The following LIMCH1 variants were observed in gnomAD, a reference collection of about 807,000 sequenced individuals.
LIMCH1 encodes LIM and calponin homology domains-containing protein 1.
LIMCH1 carries 113 observed loss-of-function variants against 176.5 expected under a neutral mutation model. The observed-to-expected ratio is 0.64, with a 90% confidence interval of 0.55 to 0.75. LIMCH1 has a LOEUF of 0.75. Among genes scored for constraint, LIMCH1 ranks in the 30% least tolerant of loss-of-function variants. LIMCH1 has a pLI of 0.00. For missense variants in LIMCH1, 1,674 were observed against 1,814.9 expected, an observed-to-expected ratio of 0.92 and a Z score of 1.41; for synonymous variants, 619 against 645.9, an observed-to-expected ratio of 0.96 and a Z score of 0.63.
chr4:41,506,807 C>G (rs2074230521), intron 2 of LIMCH1, among the ~76,000 whole-genome samples: 1 of 152,132 alleles, frequency 6.6e-6, no homozygotes, highest in African/African-American at 2.4e-5. Context: ...GTTTTTATCC[C>G]TCATAATGAC....
At chr4:41,532,458 A>T (rs1397133991) in intron 3 of LIMCH1, among the ~76,000 whole-genome samples, 1 of 152,234 alleles carries the variant, frequency 6.6e-6, no homozygotes, top group Non-Finnish European at 1.5e-5. Context: ...TTCGAGTAAC[A>T]TTCAAAAGTA....
chr4:41,393,270 G>A (rs764360158), intron 1 of LIMCH1, among the ~76,000 whole-genome samples: 3 of 152,092 alleles, frequency 2.0e-5, no homozygotes, highest in Non-Finnish European at 4.4e-5. Context: ...TACCTGCTTG[G>A]GAGGAAGTGG....
intron 31 of LIMCH1, among the ~76,000 whole-genome samples, chr4:41,696,931 A>C (rs1731134360): frequency 6.6e-6 from 1 of 152,174 alleles, no homozygotes; most frequent in Non-Finnish European, 1.5e-5. Flanking sequence ...GCACCACGTT[A>C]AGTGGGTCTG....
rs1554109824 is a variant in LIMCH1, at chr4:41,581,112, GTCTATCTATCTA to G, written c.-240-17785_-240-17774del. On this transcript the variant is annotated intron_variant, in intron 1 of 31. Coordinates refer to ENST00000503057, the MANE Select transcript of LIMCH1 (RefSeq NM_001330672.2). Reference sequence around the variant, plus strand: ...TGTCTGTCCATTCATCTGTCTGTCTGTCTATCTATCTATCTATCTATCTATCTATCTATCATC... The same window carrying G: ...TGTCTGTCCATTCATCTGTCTGTCTGTCTATCTATCTATCTATCTATCATC... 1.4e-4 allele frequency among the ~76,000 whole-genome samples: 18 copies of G among 132,986 alleles called. 1 individual carries two copies. Among genetic ancestry groups the G allele is most frequent in the Admixed American group, 5.7e-4 (8 of 14,030 alleles). 87.2% of individuals were successfully genotyped at this position (132,986 alleles called of 152,430 possible).
intron 1 of LIMCH1, among the ~76,000 whole-genome samples, chr4:41,542,242 C>T (rs767392811): frequency 6.6e-6 from 1 of 152,076 alleles, no homozygotes; most frequent in Non-Finnish European, 1.5e-5. Flanking sequence ...CCATTGAGAA[C>T]CAGCCTTAGG....
At chr4:41,364,454 A>G (rs2052660265) in intron 1 of LIMCH1, among the ~76,000 whole-genome samples, 1 of 152,118 alleles carries the variant, frequency 6.6e-6, no homozygotes, top group Non-Finnish European at 1.5e-5. Flanking sequence ...CCGGGTAGAA[A>G]ATATGATTCA....
intron 4 of LIMCH1, chr4:41,612,636 T>C (rs1001073035): frequency 1.4e-6 from 1 of 702,566 alleles, no homozygotes; most frequent in Non-Finnish European, 2.6e-6. Context: ...TTTCTTCTGC[T>C]GGAGTTTCAG....
rs946324405 is a variant in LIMCH1 at position 41,538,342 on chromosome 4, C to T, written c.-249C>T. 5 of 984,990 alleles carry T rather than the reference C, an allele frequency of 5.1e-6. No homozygotes were observed. In the African/African-American group the frequency reaches 7.0e-5, roughly 14 times the overall value. The allele number at this position is 984,990 out of a possible 1,614,324, so 61.0% of individuals were successfully genotyped here. ...TGGAGTTCATTGCGGAGCATGAGGA[C>T]GTGTGGGGGTAAGTAAAATTCATTA... On this transcript the variant is annotated 5_prime_UTR_variant, in exon 1 of 32. It adds an upstream start codon to the 5' untranslated region. Transcript: ENST00000503057.
At chr4:41,462,817 C>T (rs2065566534) in intron 1 of LIMCH1, among the ~76,000 whole-genome samples, 2 of 152,066 alleles carry the variant, frequency 1.3e-5, no homozygotes, top group Non-Finnish European at 1.5e-5. Context: ...AAAAGTAACA[C>T]AGCTGGCAAA....
At chr4:41,434,336 G>A (rs1033268188) in intron 1 of LIMCH1, among the ~76,000 whole-genome samples, 3 of 152,204 alleles carry the variant, frequency 2.0e-5, no homozygotes, top group African/African-American at 7.2e-5. Context: ...AATATCTAGG[G>A]TTGTAGAGCT....
At chr4:41,370,907 T>C (rs993451575) in intron 1 of LIMCH1, among the ~76,000 whole-genome samples, 3 of 152,072 alleles carry the variant, frequency 2.0e-5, no homozygotes, top group Non-Finnish European at 2.9e-5. Context: ...GATGGGAAAA[T>C]GGAAGCACGG....
Position 41,687,833 on chromosome 4 carries a change from A to C in LIMCH1, c.4089-7A>C. The C allele has an allele frequency of 6.2e-7, 1 of 1,607,610 alleles. No homozygotes were observed. Among genetic ancestry groups the C allele is most frequent in the Non-Finnish European group, 8.5e-7 (1 of 1,174,594 alleles). On this transcript the variant is annotated splice_polypyrimidine_tract_variant and splice_region_variant and intron_variant, in intron 28 of 31. Coordinates refer to ENST00000503057, the MANE Select transcript of LIMCH1 (RefSeq NM_001330672.2). ...TCATAATTTTTGACTCCTTTACCACATTACAGGAAAAGTCCCCGAGAGCAC... is the reference window on the plus strand; with the variant it reads ...TCATAATTTTTGACTCCTTTACCACCTTACAGGAAAAGTCCCCGAGAGCAC...
In LIMCH1 at chr4:41,697,187, A is replaced by G. The variant is rs745995108; in HGVS notation, c.*2A>G. 1 of 1,613,496 alleles carries G rather than the reference A, an allele frequency of 6.2e-7. No individual in the cohort carries two copies. The highest frequency in any genetic ancestry group is 2.2e-5 in the East Asian group (1 of 44,874). Reference sequence around the variant, plus strand: ...GCCGGGCAGCCTACAACATTGTGACACGGCTTTCAAGCTTCCGGATCACTC... The same window carrying G: ...GCCGGGCAGCCTACAACATTGTGACGCGGCTTTCAAGCTTCCGGATCACTC... On this transcript the variant is annotated 3_prime_UTR_variant, in exon 32 of 32. Coordinates refer to ENST00000503057, the MANE Select transcript of LIMCH1 (RefSeq NM_001330672.2).
chr4:41,360,904 C>A lies in LIMCH1; in HGVS notation c.64C>A (p.Pro22Thr). 3 of 1,588,344 alleles carry A rather than the reference C, an allele frequency of 1.9e-6. No homozygotes were observed. The highest frequency in any genetic ancestry group is 2.6e-6 in the Non-Finnish European group (3 of 1,170,644). Residue 22 changes from proline (P) to threonine (T), a missense_variant, in exon 1 of 27, where the codon CCC becomes ACC. Pro to Thr is a conservative substitution (Grantham distance 38). Transcript: ENST00000313860. This position sits in a 1 kb window ranked among gnomAD's most constrained non-coding sequence, Gnocchi z 4.5. ...CCTGCAGCCCGAGCCGCCCCCCGAG[C>A]CCGCCTTCTCCGAGGCGCAGAAGTG...
rs2093333660 is a variant in LIMCH1 at position 41,631,670 on chromosome 4, T to G, written c.1601+193T>G. Among the ~76,000 whole-genome samples, 3 of 152,374 alleles carry G rather than the reference T, an allele frequency of 2.0e-5. No homozygotes were observed. In the South Asian group the frequency reaches 6.2e-4, roughly 32 times the overall value. On this transcript the variant is annotated intron_variant, in intron 10 of 31. Transcript: ENST00000503057. Reference sequence around the variant, plus strand: ...GAAGTTAAATGGCAGGCATCCATTTTGATTCTGTTGTCACCAGAATCACTG... The same window carrying G: ...GAAGTTAAATGGCAGGCATCCATTTGGATTCTGTTGTCACCAGAATCACTG...
intron 13 of LIMCH1, 95 bp from the exon 14 acceptor site, chr4:41,638,837 G>A (rs564139632): frequency 1.3e-5 from 13 of 971,808 alleles, no homozygotes; most frequent in East Asian, 9.7e-5. Flanking sequence ...AAGGTTTGGC[G>A]CACATGTATT....
chr4:41,642,742 T>TC (rs2093884785), intron 14 of LIMCH1, among the ~76,000 whole-genome samples: 1 of 149,850 alleles, frequency 6.7e-6, no homozygotes, highest in African/African-American at 2.4e-5. Context: ...TTTTTCTTTT[T>TC]TTTTTTTTGT....
chr4:41,681,985 G>A (rs1716368260), intron 25 of LIMCH1, among the ~76,000 whole-genome samples: 1 of 152,168 alleles, frequency 6.6e-6, no homozygotes, highest in Non-Finnish European at 1.5e-5. Flanking sequence ...TGGAAGTACA[G>A]GGCAGAAGTT....
In LIMCH1 at chr4:41,662,885, C is replaced by T. The variant is rs77477347; in HGVS notation, c.3192C>T (p.Pro1064=). The change falls in exon 20 of 32, where the codon CCC becomes CCT. Residue 1064 remains proline (P), a synonymous_variant. Coordinates refer to ENST00000503057, the MANE Select transcript of LIMCH1 (RefSeq NM_001330672.2). ...CGACCGTGGCCTTTGTGGAATTTCC[C>T]TCCAGCCCCCAGCTGAAGAATGATG... ...CSPTVAFVEF[P]SSPQLKNDVS... The T allele has an allele frequency of 1.2e-4, 187 of 1,614,016 alleles. No individual in the cohort carries two copies. The African/African-American group carries it at 2.4e-3, about 20-fold the overall frequency.
Sources: gnomAD v4.1 joint callset for allele counts (sites outside exome capture counted in the v4.1 genomes callset) on GRCh38, gnomAD v4.1.1 for gene constraint, Gnocchi (gnomAD v3.1) non-coding constraint, MANE v1.5 for transcripts, NCBI Gene and HGNC (gene_info 2026-07-23, HGNC 2026-07-21) for gene names.